Variants in UROS observed in about 807,000 individuals in gnomAD.
The protein encoded by UROS is uroporphyrinogen III synthase.
Under a neutral mutation model 33.0 loss-of-function variants are expected in UROS, and 18 were observed. The observed-to-expected ratio is 0.55, with a 90% CI of 0.38 to 0.81. The LOEUF (loss-of-function observed/expected upper bound fraction) is 0.81. Among genes scored for constraint, UROS ranks in the 30% least tolerant of loss-of-function variants. UROS has a pLI of 0.00. For synonymous variants in UROS, 114 were observed against 121.1 expected (o/e 0.94, Z 0.38); for missense variants, 293 against 314.9 (o/e 0.93, Z 0.53).
At chr10:125,805,218 G>A (rs927538229) in intron 6 of UROS, among the ~76,000 whole-genome samples, 10 of 152,254 alleles carry the variant, frequency 6.6e-5, no homozygotes, top group Non-Finnish European at 1.3e-4. Flanking sequence ...CCTCTAAACC[G>A]GAGGCTCCTT....
intron 6 of UROS, 57 bp downstream of exon 6, chr10:125,807,356 G>T (rs767036939): frequency 2.3e-5 from 34 of 1,449,172 alleles, no homozygotes; most frequent in Middle Eastern, 3.5e-4. Flanking sequence ...CTAGGTAGTG[G>T]TTGTGAGGTC....
rs1850747182 is a variant in UROS at position 125,789,172 on chromosome 10, G to A, written c.661-167C>T. 3 of 1,413,426 alleles carry A rather than the reference G, an allele frequency of 2.1e-6. No individual in the cohort carries two copies. In the Admixed American group the frequency reaches 6.4e-5, roughly 30 times the overall value. 87.6% of individuals were successfully genotyped at this position (1,413,426 alleles called of 1,614,324 possible). A position where few individuals can be genotyped will look rare whatever the true frequency, so the allele number is the denominator to read the frequency against. ...ACTGCCCGATTCTAGCCCAGCTTCT[G>A]AGCGTGCAAAATACCTCTGCATCCA... On this transcript the variant is annotated intron_variant, in intron 9 of 9. Transcript: ENST00000368797.
chr10:125,816,387 T>G, intron 2 of UROS, 50 bp downstream of exon 2: 1 of 1,611,610 alleles, frequency 6.2e-7, no homozygotes, highest in Non-Finnish European at 8.5e-7. Flanking sequence ...TCCAGGCCCC[T>G]TGACTCAGTA....
At chr10:125,796,082 C>G in intron 8 of UROS, 21 bp downstream of exon 8, 2 of 1,613,566 alleles carry the variant, frequency 1.2e-6, no homozygotes, top group Non-Finnish European at 8.5e-7. Context: ...CCTGCCAGAA[C>G]CGCCCCCAAA....
intron 6 of UROS, among the ~76,000 whole-genome samples, chr10:125,799,313 G>C (rs1037153311): frequency 6.6e-6 from 1 of 152,188 alleles, no homozygotes; most frequent in Non-Finnish European, 1.5e-5. Context: ...CTTCCAGTGC[G>C]AGGAAATGTT....
At chr10:125,794,399 C>G in intron 9 of UROS, 1 of 1,007,694 alleles carries the variant, frequency 9.9e-7, no homozygotes, top group Non-Finnish European at 1.2e-6. Flanking sequence ...CTATTACAGA[C>G]ACAAGAGTTG....
intron 4 of UROS, 28 bp downstream of exon 4, chr10:125,815,006 G>C: frequency 1.2e-6 from 2 of 1,610,944 alleles, no homozygotes; most frequent in Non-Finnish European, 1.7e-6. Context: ...TAAATGTCCA[G>C]TGGAATCCAC....
chr10:125,805,043 C>T (rs926299561), intron 6 of UROS, among the ~76,000 whole-genome samples: 1 of 152,172 alleles, frequency 6.6e-6, no homozygotes, highest in African/African-American at 2.4e-5. Flanking sequence ...GGGGGTGGGG[C>T]AAGAGAGGCG....
At position 125,788,824 on chromosome 10, in the gene UROS, C is replaced by T. The variant is rs1850715442; in HGVS notation, c.*44G>A. 8 of 1,546,884 alleles carry T rather than the reference C, an allele frequency of 5.2e-6. No individual in the cohort carries two copies. The East Asian group carries it at 1.9e-4, about 38-fold the overall frequency. On this transcript the variant is annotated 3_prime_UTR_variant, in exon 10 of 10. Transcript: ENST00000368797. ...GATGCCTGGCTCCATCCAGAGCCAG[C>T]CCAGCCCAGGGAGGCTGCATGGGGC...
intron 4 of UROS, among the ~76,000 whole-genome samples, chr10:125,812,566 G>A (rs1466723671): frequency 1.3e-5 from 2 of 152,080 alleles, no homozygotes; most frequent in African/African-American, 4.8e-5. Context: ...TGGGAACCAC[G>A]AAATCAACAT....
At chr10:125,809,229 G>T (rs1296137912) in intron 5 of UROS, among the ~76,000 whole-genome samples, 1 of 152,128 alleles carries the variant, frequency 6.6e-6, no homozygotes, top group Non-Finnish European at 1.5e-5. Flanking sequence ...CACTGGTCTG[G>T]GTTTACAAGG....
Position 125,789,042 on chromosome 10 carries a change from C to T in UROS, c.661-37G>A, listed in dbSNP as rs200284638. ...GAAGAGAAAACAGGGCTTCAGCACACCAGGAGGGGCTGGGGCAGCAGGCAG... is the reference window on the plus strand; with the variant it reads ...GAAGAGAAAACAGGGCTTCAGCACATCAGGAGGGGCTGGGGCAGCAGGCAG... On this transcript the variant is annotated intron_variant, in intron 9 of 9. Transcript: ENST00000368797. 581 of 1,610,854 alleles carry T rather than the reference C, an allele frequency of 3.6e-4. 3 individuals are homozygous for T. The African/African-American group carries it at 6.6e-3, about 18-fold the overall frequency.
chr10:125,799,892 C>T (rs1028603728), intron 6 of UROS, among the ~76,000 whole-genome samples: 13 of 152,160 alleles, frequency 8.5e-5, no homozygotes, highest in African/African-American at 3.1e-4. Context: ...GAGTTATTCC[C>T]TTTTGGAATA....
downstream of UROS, among the ~76,000 whole-genome samples, chr10:125,786,111 C>T (rs1279190006): frequency 1.3e-5 from 2 of 152,098 alleles, no homozygotes; most frequent in African/African-American, 4.8e-5. Flanking sequence ...GGCTTCCACC[C>T]GGCTTCCCAC....
intron 5 of UROS, among the ~76,000 whole-genome samples, chr10:125,811,071 T>C (rs1163775930): frequency 6.6e-6 from 1 of 152,206 alleles, no homozygotes; most frequent in Admixed American, 6.5e-5. Flanking sequence ...TCTCAAGACA[T>C]AGATGCTCAT....
chr10:125,789,348 GT>G, intron 9 of UROS: 1 of 1,232,390 alleles, frequency 8.1e-7, no homozygotes, highest in East Asian at 4.6e-5. Context: ...TTCTTCGGGT[GT>G]TGGGGGCCCT....
intron 8 of UROS, among the ~76,000 whole-genome samples, chr10:125,795,412 T>C (rs1851271965): frequency 6.6e-6 from 1 of 152,230 alleles, no homozygotes; most frequent in Admixed American, 6.5e-5. Context: ...TGGTTTGTCC[T>C]ATCAGGCCCT....
chr10:125,814,900 G>T, intron 4 of UROS, 134 bp downstream of exon 4: 2 of 1,006,556 alleles, frequency 2.0e-6, no homozygotes, highest in Non-Finnish European at 3.1e-6. Context: ...GTTTCCCAAG[G>T]CAGAGTCTGT....
In UROS at chr10:125,822,042, C is replaced by T. The variant is rs530626530; in HGVS notation, c.-27+987G>A. ...AGATGTTACCCTGCTTAAACAGAAG[C>T]AGCCTATTAGCGCAGCTCACACCAT... On this transcript the variant is annotated intron_variant, in intron 1 of 9. Coordinates refer to ENST00000368797, the MANE Select transcript of UROS (RefSeq NM_000375.3). Among the ~76,000 whole-genome samples the T allele has an allele frequency of 1.8e-4, 28 of 152,308 alleles. No homozygotes were observed. In the South Asian group the frequency reaches 5.8e-3, roughly 32 times the overall value.
Sources: gnomAD v4.1 joint callset for allele counts (sites outside exome capture counted in the v4.1 genomes callset) on GRCh38, gnomAD v4.1.1 for gene constraint, MANE v1.5 for transcripts, NCBI Gene and HGNC (gene_info 2026-07-23, HGNC 2026-07-21) for gene names.